DDHD1: variants seen among roughly 807,000 people sequenced by gnomAD.
DDHD1 encodes the protein DDHD domain containing 1.
In DDHD1, 49 loss-of-function variants were observed where a neutral mutation model predicts 96.4. That is an observed-to-expected ratio of 0.51 (90% CI 0.40 to 0.64). The LOEUF is 0.64. DDHD1 is among the 30% of genes least tolerant of loss of function. DDHD1 has a pLI of 0.00. For missense variants in DDHD1, 1,106 were observed against 1,161.2 expected, an observed-to-expected ratio of 0.95 and a Z score of 0.69; for synonymous variants, 442 against 446.5, an observed-to-expected ratio of 0.99 and a Z score of 0.13.
intron 1 of DDHD1, among the ~76,000 whole-genome samples, chr14:53,111,453 T>C (rs569693019): frequency 2.0e-5 from 3 of 152,246 alleles, no homozygotes; most frequent in Non-Finnish European, 4.4e-5. Flanking sequence ...TTCTTCCCTG[T>C]AGTTAACGTG....
At chr14:53,065,121 C>G (rs1883912491) in intron 6 of DDHD1, among the ~76,000 whole-genome samples, 1 of 152,252 alleles carries the variant, frequency 6.6e-6, no homozygotes, top group Non-Finnish European at 1.5e-5. Flanking sequence ...CACTGGATAG[C>G]TTTTCAAAAG....
chr14:53,086,867 A>C (rs944808570), intron 4 of DDHD1, among the ~76,000 whole-genome samples: 6 of 151,652 alleles, frequency 4.0e-5, no homozygotes, highest in African/African-American at 1.5e-4. Flanking sequence ...CAAATGGGAT[A>C]AAGACCCATC....
chr14:53,099,187 A>G (rs2139703996), intron 2 of DDHD1, among the ~76,000 whole-genome samples: 1 of 152,294 alleles, frequency 6.6e-6, no homozygotes, highest in East Asian at 1.9e-4. Flanking sequence ...AATAGCAAAA[A>G]TAGTACAGGG....
At chr14:53,122,925 TTAA>T (rs1889115623) in intron 1 of DDHD1, among the ~76,000 whole-genome samples, 1 of 151,838 alleles carries the variant, frequency 6.6e-6, no homozygotes, top group South Asian at 2.1e-4. Context: ...TGTCTCCTGA[TTAA>T]AATATAACAA....
chr14:53,139,435 A>G (rs1890477831), intron 1 of DDHD1, among the ~76,000 whole-genome samples: 2 of 152,228 alleles, frequency 1.3e-5, no homozygotes, highest in Admixed American at 1.3e-4. Flanking sequence ...TTGGCGAACC[A>G]GCCCTCTACT....
At chr14:53,092,114 C>T (rs1595160133) in intron 3 of DDHD1, 182 bp from the exon 4 acceptor site, 1 of 421,152 alleles carries the variant, frequency 2.4e-6, no homozygotes, top group Non-Finnish European at 4.1e-6. Context: ...GTGAACTGGA[C>T]ACAACACCAA....
chr14:53,048,553 T>C (rs1386093150), intron 12 of DDHD1: 1 of 152,166 alleles, frequency 6.6e-6, no homozygotes, highest in Non-Finnish European at 1.5e-5. Flanking sequence ...TTGGCCAGGC[T>C]GGTCTTGAAA....
At chr14:53,068,895 T>C (rs1217702938) in intron 6 of DDHD1, among the ~76,000 whole-genome samples, 1 of 152,228 alleles carries the variant, frequency 6.6e-6, no homozygotes, top group Non-Finnish European at 1.5e-5. Flanking sequence ...TCTTACCTAA[T>C]CCTACCATGA....
At chr14:53,128,005 T>C (rs1889580312) in intron 1 of DDHD1, among the ~76,000 whole-genome samples, 1 of 152,168 alleles carries the variant, frequency 6.6e-6, no homozygotes, top group African/African-American at 2.4e-5. Context: ...CGCGGGTGGT[T>C]GCCCCATGCT....
chr14:53,079,986 G>C (rs1885318441), intron 4 of DDHD1, among the ~76,000 whole-genome samples: 1 of 152,132 alleles, frequency 6.6e-6, no homozygotes, highest in Admixed American at 6.5e-5. Context: ...AGCTGTACAA[G>C]AACATCTATT....
At chr14:53,125,250 G>C (rs1043975719) in intron 1 of DDHD1, among the ~76,000 whole-genome samples, 3 of 152,170 alleles carry the variant, frequency 2.0e-5, no homozygotes, top group African/African-American at 7.2e-5. Context: ...ATTTGGAGAA[G>C]AGACTTTAAA....
Position 53,144,974 on chromosome 14 carries a change from AC to A in DDHD1, c.838+7286del, listed in dbSNP as rs1890876600. 2.0e-5 allele frequency among the ~76,000 whole-genome samples: 3 copies of A among 152,052 alleles called. No homozygotes were observed. In the South Asian group the frequency reaches 6.2e-4, roughly 32 times the overall value. ...AGACCAGGCTTACCAACATGGTGAA[AC>A]CCTGTCTCCACTAAAAATATAAAAC... On this transcript the variant is annotated intron_variant, in intron 1 of 12. Transcript: ENST00000673822.
intron 12 of DDHD1, among the ~76,000 whole-genome samples, chr14:53,047,930 C>T (rs1459833712): frequency 6.6e-6 from 1 of 152,138 alleles, no homozygotes; most frequent in South Asian, 2.1e-4. Context: ...CAAATCACTA[C>T]CAACCAGACA....
rs113888143 is a variant in DDHD1, at chr14:53,134,803, G to C, written c.838+17458C>G. Among the ~76,000 whole-genome samples, 733 of 152,148 alleles carry C rather than the reference G, an allele frequency of 4.8e-3. 6 individuals carry two copies. The highest frequency in any genetic ancestry group is 0.017 in the African/African-American group (704 of 41,492). On this transcript the variant is annotated intron_variant, in intron 1 of 12. Transcript: ENST00000673822. The stretch of plus-strand genomic sequence containing the variant: ...CCCAGTTCTTAGTCCTTTAATACCT[G>C]TTTTCCTCTTCCTTTTATTCAGACC...
At chr14:53,128,379 A>G (rs1889613601) in intron 1 of DDHD1, among the ~76,000 whole-genome samples, 1 of 152,196 alleles carries the variant, frequency 6.6e-6, no homozygotes. Flanking sequence ...GTCTAAGATC[A>G]AGGCACCAGC....
intron 1 of DDHD1, among the ~76,000 whole-genome samples, chr14:53,122,812 C>T (rs934752347): frequency 2.0e-5 from 3 of 151,840 alleles, no homozygotes; most frequent in Non-Finnish European, 2.9e-5. Context: ...TGTGATCTGC[C>T]CACCTCAGCC....
intron 2 of DDHD1, among the ~76,000 whole-genome samples, chr14:53,094,610 C>T (rs147484662): frequency 1.0e-3 from 157 of 151,948 alleles, no homozygotes; most frequent in African/African-American, 3.3e-3. Flanking sequence ...GAGGCTGAGG[C>T]AGGAGGATCA....
chr14:53,105,658 T>C (rs760521130), intron 1 of DDHD1, among the ~76,000 whole-genome samples: 23 of 152,186 alleles, frequency 1.5e-4, no homozygotes, highest in Non-Finnish European at 3.2e-4. Context: ...TCCTTTATTT[T>C]TGATGGTTGG....
chr14:53,057,186 T>C (rs1883125327), intron 9 of DDHD1, among the ~76,000 whole-genome samples: 2 of 152,304 alleles, frequency 1.3e-5, no homozygotes, highest in South Asian at 2.1e-4. Context: ...GGTTAGTCAA[T>C]GTTATATTTA....
Sources: allele counts gnomAD v4.1 joint callset (sites outside exome capture counted in the v4.1 genomes callset), GRCh38; gene constraint gnomAD v4.1.1; transcripts MANE v1.5; gene names NCBI Gene and HGNC (gene_info 2026-07-23, HGNC 2026-07-21).